The following CYP4A22 variants were observed in gnomAD, a reference collection of about 807,000 sequenced individuals.
The protein encoded by CYP4A22 is cytochrome P450 4A22.
Under a neutral mutation model 56.2 loss-of-function variants are expected in CYP4A22, and 46 were observed. The observed-to-expected ratio is 0.82, with a 90% CI of 0.65 to 1.05. CYP4A22 has a LOEUF of 1.05. CYP4A22 is among the 50% of genes least tolerant of loss of function. The probability of loss-of-function intolerance (pLI) is 0.00; values close to 1 mark genes in which losing one functional copy is unlikely to be tolerated. For missense variants in CYP4A22, 541 were observed against 645.9 expected, an observed-to-expected ratio of 0.84 and a Z score of 1.76; for synonymous variants, 193 against 251.1, an observed-to-expected ratio of 0.77 and a Z score of 2.19.
Position 47,137,455 on chromosome 1 carries a change from G to T in CYP4A22, c.-31G>T, listed in dbSNP as rs1644953749. On this transcript the variant is annotated 5_prime_UTR_variant, in exon 1 of 12. Coordinates refer to ENST00000371891, the MANE Select transcript of CYP4A22 (RefSeq NM_001010969.4). ...GACAGGGGTGGTCAGAGAGAGGAAGGGGCACTCAGAGATCCAGCAGGTGCT... is the reference window on the plus strand; with the variant it reads ...GACAGGGGTGGTCAGAGAGAGGAAGTGGCACTCAGAGATCCAGCAGGTGCT... 5 of 1,590,200 alleles carry T rather than the reference G, an allele frequency of 3.1e-6. No individual in the cohort carries two copies. In the African/African-American group the frequency reaches 6.7e-5, roughly 21 times the overall value.
chr1:47,140,621 TG>T (rs1243358164), intron 1 of CYP4A22, among the ~76,000 whole-genome samples, 158 bp from the exon 2 acceptor site: 2 of 152,170 alleles, frequency 1.3e-5, no homozygotes, highest in East Asian at 3.8e-4. Context: ...GGTCAAGTCC[TG>T]GGGAGATACA....
At chr1:47,143,179 C>A in intron 4 of CYP4A22, 90 bp from the exon 5 acceptor site, 2 of 1,539,254 alleles carry the variant, frequency 1.3e-6, no homozygotes, top group Non-Finnish European at 1.8e-6. Flanking sequence ...CAGGAAAAAA[C>A]AAGATATCTG....
At chr1:47,142,277 C>T (rs777367506) in intron 4 of CYP4A22, 42 bp downstream of exon 4, 24 of 1,549,466 alleles carry the variant, frequency 1.5e-5, no homozygotes, top group Non-Finnish European at 2.0e-5. Flanking sequence ...CCACTCACAG[C>T]ACACACTCTC....
At chr1:47,138,701 T>C (rs1644973148) in intron 1 of CYP4A22, among the ~76,000 whole-genome samples, 1 of 152,238 alleles carries the variant, frequency 6.6e-6, no homozygotes, top group Admixed American at 6.5e-5. Flanking sequence ...ATTATTTTTC[T>C]TCCAATGTGG....
At chr1:47,148,158 C>T (rs1203176574) in intron 11 of CYP4A22, among the ~76,000 whole-genome samples, 1 of 152,176 alleles carries the variant, frequency 6.6e-6, no homozygotes, top group Non-Finnish European at 1.5e-5. Flanking sequence ...GATTCAGGTC[C>T]CTGTGTGTCC....
chr1:47,141,493 A>G, intron 2 of CYP4A22, 78 bp from the exon 3 acceptor site: 1 of 1,536,460 alleles, frequency 6.5e-7, no homozygotes, highest in Non-Finnish European at 8.9e-7. Context: ...ACTGACAGAC[A>G]CCAAGAACTG....
intron 2 of CYP4A22, among the ~76,000 whole-genome samples, 180 bp from the exon 3 acceptor site, chr1:47,141,391 C>T (rs1645007496): frequency 6.6e-6 from 1 of 152,320 alleles, no homozygotes; most frequent in East Asian, 1.9e-4. Context: ...TGCTGGAACA[C>T]TGAGTCTGTC....
At position 47,149,108 on chromosome 1, in the gene CYP4A22, G is replaced by A. The variant is rs1222785527; in HGVS notation, c.*311G>A. On this transcript the variant is annotated 3_prime_UTR_variant, in exon 12 of 12. Coordinates refer to ENST00000371891, the MANE Select transcript of CYP4A22 (RefSeq NM_001010969.4). ...GATCCAGGGTCTAAAACCCCTTGTG[G>A]CCTTTGGAACACCAAGCTCTGTGCT... The A allele has an allele frequency of 3.9e-6, 1 of 258,906 alleles. No individual in the cohort carries two copies. Among genetic ancestry groups the A allele is most frequent in the East Asian group, 8.5e-5 (1 of 11,722 alleles). 16.0% of individuals were successfully genotyped at this position (258,906 alleles called of 1,614,324 possible). A position where few individuals can be genotyped will look rare whatever the true frequency, so the allele number is the denominator to read the frequency against.
chr1:47,146,492 C>A (rs1010555061), intron 11 of CYP4A22: 20 of 1,145,042 alleles, frequency 1.7e-5, no homozygotes, highest in Non-Finnish European at 2.1e-5. Flanking sequence ...AATTCAACTT[C>A]AGCTGTTTGC....
chr1:47,143,546 G>T (rs1262421395), intron 5 of CYP4A22, among the ~76,000 whole-genome samples, 153 bp downstream of exon 5: 1 of 152,204 alleles, frequency 6.6e-6, no homozygotes, highest in Non-Finnish European at 1.5e-5. Context: ...ACCAAACAAA[G>T]TCTCAGGAAC....
intron 6 of CYP4A22, 38 bp from the exon 7 acceptor site, chr1:47,144,319 G>A (rs372702559): frequency 5.8e-4 from 921 of 1,599,052 alleles, no homozygotes; most frequent in Non-Finnish European, 7.4e-4. Context: ...GGCTGCTGAC[G>A]GTCTCAGCTC....
rs542709257 is a variant in CYP4A22 at position 47,147,840 on chromosome 1, G to A, written c.1365-762G>A. On this transcript the variant is annotated intron_variant, in intron 11 of 11. Coordinates refer to ENST00000371891, the MANE Select transcript of CYP4A22 (RefSeq NM_001010969.4). ...CTGCCGGCTGAGGCATTGGGATGCTGTCCCACCTGTGATGAAGAGCGTGGG... is the reference window on the plus strand; with the variant it reads ...CTGCCGGCTGAGGCATTGGGATGCTATCCCACCTGTGATGAAGAGCGTGGG... 4.9e-4 allele frequency among the ~76,000 whole-genome samples: 75 copies of A among 152,336 alleles called. No individual in the cohort carries two copies. The East Asian group carries it at 0.014, about 29-fold the overall frequency.
Position 47,148,657 on chromosome 1 carries a change from A to G in CYP4A22, c.1420A>G (p.Thr474Ala), listed in dbSNP as rs1645100304. 6.2e-7 allele frequency: 1 copy of G among 1,613,838 alleles called. No homozygotes were observed. Among genetic ancestry groups the G allele is most frequent in the Admixed American group, 1.7e-5 (1 of 59,984 alleles). The change falls in exon 12 of 12, where the codon ACC becomes GCC. Residue 474 changes from threonine to alanine, a missense_variant. Thr to Ala is a moderately conservative substitution (Grantham distance 58). Transcript: ENST00000371891. The part of the protein sequence containing the change: ...MNQLKVARAL[T>A]LLRFELLPDP... ...CCAGCTGAAGGTGGCCAGGGCCCTG[A>G]CCCTGCTCCGCTTTGAGCTGCTGCC... is the stretch of plus-strand genomic sequence containing the variant.
Position 47,137,557 on chromosome 1 carries a change from G to C in CYP4A22, c.72G>C (p.Leu24=), listed in dbSNP as rs1557643893. The C allele has an allele frequency of 6.2e-7, 1 of 1,614,176 alleles. No individual in the cohort carries two copies. Among genetic ancestry groups the C allele is most frequent in the Admixed American group, 1.7e-5 (1 of 60,028 alleles). ...CCGGGATCCTCCAAGTGACCTCCCT[G>C]CTCATTCTGCTTCTGCTGCTGATCA... ...GVSGILQVTS[L]LILLLLLIKA... is the part of the protein sequence containing the mutation. Residue 24 remains leucine, a synonymous_variant, in exon 1 of 12, where the codon CTG becomes CTC. Coordinates refer to ENST00000371891, the MANE Select transcript of CYP4A22 (RefSeq NM_001010969.4).
chr1:47,143,205 G>C lies in CYP4A22; in HGVS notation c.511-64G>C, dbSNP rs1228875100. On this transcript the variant is annotated intron_variant, in intron 4 of 11. Transcript: ENST00000371891. ...AAGATATCTGCAGGTACATGAAAAA[G>C]CCAGGCCTTATTAGCAAAGCACTTC... 1.0e-5 allele frequency: 16 copies of C among 1,556,048 alleles called. No individual in the cohort carries two copies. In the East Asian group the frequency reaches 3.0e-4, roughly 29 times the overall value.
At chr1:47,147,361 T>C in intron 11 of CYP4A22, 1 of 985,056 alleles carries the variant, frequency 1.0e-6, no homozygotes. Flanking sequence ...TTTATTCATT[T>C]TAAAACTTAA....
At chr1:47,139,977 G>A (rs1440296904) in intron 1 of CYP4A22, among the ~76,000 whole-genome samples, 2 of 152,224 alleles carry the variant, frequency 1.3e-5, no homozygotes, top group Non-Finnish European at 2.9e-5. Context: ...ATCAGCAGCA[G>A]TGGTGGCATC....
At chr1:47,141,884 C>T (rs1434883241) in intron 3 of CYP4A22, among the ~76,000 whole-genome samples, 6 of 152,212 alleles carry the variant, frequency 3.9e-5, no homozygotes, top group Admixed American at 2.6e-4. Flanking sequence ...CCCTTTTCAA[C>T]CTTTATCTCA....
intron 6 of CYP4A22, among the ~76,000 whole-genome samples, 164 bp downstream of exon 6, chr1:47,144,080 C>T (rs1414540661): frequency 2.0e-5 from 3 of 152,154 alleles, no homozygotes; most frequent in African/African-American, 4.8e-5. Flanking sequence ...TGTGAGGGGC[C>T]GGATTCTGTG....
Sources: gnomAD v4.1 joint callset for allele counts (sites outside exome capture counted in the v4.1 genomes callset) on GRCh38, gnomAD v4.1.1 for gene constraint, MANE v1.5 for transcripts, NCBI Gene and HGNC (gene_info 2026-07-23, HGNC 2026-07-21) for gene names.